The following ASIC2 variants were observed in gnomAD, a reference collection of about 807,000 sequenced individuals.
ASIC2 encodes acid-sensing ion channel 2.
ASIC2 carries 25 observed loss-of-function variants against 57.3 expected under a neutral mutation model. The observed-to-expected ratio is 0.44, with a 90% CI of 0.32 to 0.61. The LOEUF is 0.61. Among genes scored for constraint, ASIC2 ranks in the 20% least tolerant of loss-of-function variants. The pLI, the probability that ASIC2 is intolerant of heterozygous loss-of-function variation, is 0.06. For missense variants in ASIC2, 641 were observed against 738.1 expected (o/e 0.87, Z 1.52); for synonymous variants, 319 against 307.5 (o/e 1.04, Z -0.39).
chr17:33,115,297 C>T (rs2092276667), intron 1 of ASIC2, among the ~76,000 whole-genome samples: 1 of 152,124 alleles, frequency 6.6e-6, no homozygotes, highest in African/African-American at 2.4e-5. Context: ...AGACTGAAGC[C>T]AAATCAGAGA....
intron 1 of ASIC2, among the ~76,000 whole-genome samples, chr17:33,809,311 G>C (rs1912354622): frequency 6.6e-6 from 1 of 152,216 alleles, no homozygotes; most frequent in South Asian, 2.1e-4. Flanking sequence ...TGTGTGTTTA[G>C]AGCTGGGTTA....
At chr17:33,673,998 A>C (rs1472500755) in intron 1 of ASIC2, among the ~76,000 whole-genome samples, 1 of 150,434 alleles carries the variant, frequency 6.6e-6, no homozygotes, top group African/African-American at 2.5e-5. Flanking sequence ...GGTTCAAGCG[A>C]TTTCCCTGCC....
At chr17:33,327,271 A>G (rs1408160343) in intron 1 of ASIC2, among the ~76,000 whole-genome samples, 4 of 152,116 alleles carry the variant, frequency 2.6e-5, no homozygotes, top group Non-Finnish European at 5.9e-5. Flanking sequence ...AAGCCTCCCT[A>G]ATTTTCCAGA....
At chr17:33,156,760 A>G (rs1385640633) in intron 1 of ASIC2, among the ~76,000 whole-genome samples, 2 of 152,138 alleles carry the variant, frequency 1.3e-5, no homozygotes, top group African/African-American at 2.4e-5. Flanking sequence ...CATTTCAAAA[A>G]AAACAAAAAC....
At chr17:33,544,484 T>C (rs1240930678) in intron 1 of ASIC2, among the ~76,000 whole-genome samples, 3 of 152,226 alleles carry the variant, frequency 2.0e-5, no homozygotes, top group Non-Finnish European at 4.4e-5. Flanking sequence ...CTAAACTTTC[T>C]GTACCTTTTT....
intron 1 of ASIC2, among the ~76,000 whole-genome samples, chr17:33,555,099 A>G (rs1915866764): frequency 6.6e-6 from 1 of 152,088 alleles, no homozygotes; most frequent in African/African-American, 2.4e-5. Context: ...CATCCTCTCC[A>G]TGTCTCTTCC....
At chr17:34,032,097 C>A (rs919053005) in intron 1 of ASIC2, among the ~76,000 whole-genome samples, 24 of 152,108 alleles carry the variant, frequency 1.6e-4, no homozygotes, top group African/African-American at 5.3e-4. Flanking sequence ...AAAAAATGAT[C>A]AGGGTAGCCA....
intron 1 of ASIC2, among the ~76,000 whole-genome samples, chr17:33,848,925 C>T (rs1913687243): frequency 6.6e-6 from 1 of 152,188 alleles, no homozygotes; most frequent in Admixed American, 6.5e-5. Flanking sequence ...GATTCTACAG[C>T]TAAGAAAAAG....
At chr17:33,942,375 C>G (rs1249831578) in intron 1 of ASIC2, among the ~76,000 whole-genome samples, 1 of 152,128 alleles carries the variant, frequency 6.6e-6, no homozygotes, top group Non-Finnish European at 1.5e-5. Context: ...TGGAAGTCAC[C>G]TAATGATGGA....
chr17:33,342,102 A>G (rs1204517773), intron 1 of ASIC2, among the ~76,000 whole-genome samples: 1 of 152,204 alleles, frequency 6.6e-6, no homozygotes, highest in African/African-American at 2.4e-5. Flanking sequence ...AATTCACACC[A>G]CTATCAAGTG....
At chr17:34,009,515 T>C (rs1906642444) in intron 1 of ASIC2, among the ~76,000 whole-genome samples, 1 of 152,384 alleles carries the variant, frequency 6.6e-6, no homozygotes, top group East Asian at 1.9e-4. Flanking sequence ...TTTGGATATA[T>C]TGGGTTAAAT....
At chr17:33,237,638 GA>G (rs1273426718) in intron 1 of ASIC2, among the ~76,000 whole-genome samples, 14 of 152,138 alleles carry the variant, frequency 9.2e-5, no homozygotes, top group Admixed American at 9.2e-4. Context: ...GGCCTTAGTA[GA>G]TGTTTGACTC....
chr17:33,894,799 T>C (rs892867649), intron 1 of ASIC2, among the ~76,000 whole-genome samples: 13 of 152,212 alleles, frequency 8.5e-5, no homozygotes, highest in African/African-American at 2.9e-4. Context: ...TGACTCTTGC[T>C]GTGCCTTGGT....
intron 3 of ASIC2, among the ~76,000 whole-genome samples, chr17:33,067,340 G>A (rs145338981): frequency 6.6e-6 from 1 of 152,318 alleles, no homozygotes; most frequent in East Asian, 1.9e-4. Flanking sequence ...CTTCCTGGAG[G>A]AGGTGGCATG....
intron 2 of ASIC2, among the ~76,000 whole-genome samples, chr17:33,110,196 A>G (rs2092251335): frequency 6.6e-6 from 1 of 151,950 alleles, no homozygotes; most frequent in South Asian, 2.1e-4. Context: ...TTATTTCCTT[A>G]TTTCTCTCTT....
chr17:33,494,037 C>T (rs1913849219), intron 1 of ASIC2, among the ~76,000 whole-genome samples: 1 of 152,260 alleles, frequency 6.6e-6, no homozygotes, highest in Non-Finnish European at 1.5e-5. Flanking sequence ...AATTGAGACT[C>T]TGAAGCGAAA....
At chr17:33,125,083 G>A (rs759712035) in intron 1 of ASIC2, among the ~76,000 whole-genome samples, 7 of 152,310 alleles carry the variant, frequency 4.6e-5, no homozygotes, top group East Asian at 1.9e-4. Flanking sequence ...CTTGCCCGCC[G>A]CTGACCTCCT....
chr17:34,100,550 C>T (rs574826960), intron 1 of ASIC2, among the ~76,000 whole-genome samples: 79 of 152,274 alleles, frequency 5.2e-4, no homozygotes, highest in African/African-American at 1.7e-3. Flanking sequence ...CCCAGAAGAG[C>T]GTCCGGCCCT....
intron 1 of ASIC2, among the ~76,000 whole-genome samples, chr17:33,266,631 C>T (rs144248329): frequency 2.4e-3 from 352 of 148,454 alleles, no homozygotes; most frequent in Non-Finnish European, 3.7e-3. Context: ...GTCCCCCATC[C>T]GCACAACCGT....
Sources: gnomAD v4.1 joint callset for allele counts (sites outside exome capture counted in the v4.1 genomes callset) on GRCh38, gnomAD v4.1.1 for gene constraint, MANE v1.5 for transcripts, NCBI Gene and HGNC (gene_info 2026-07-23, HGNC 2026-07-21) for gene names.